SFXN4: variants seen among roughly 807,000 people sequenced by gnomAD.
SFXN4 encodes the protein sideroflexin-4.
Under a neutral mutation model 54.6 loss-of-function variants are expected in SFXN4, and 48 were observed. The ratio of observed to expected loss-of-function variants is 0.88; its 90% CI spans 0.70 to 1.12. SFXN4 has a LOEUF of 1.12. Among genes scored for constraint, SFXN4 ranks in the 50% most tolerant of loss-of-function variants. The pLI, the probability that SFXN4 is intolerant of heterozygous loss-of-function variation, is 0.00. For synonymous variants in SFXN4, 130 were observed against 145.5 expected, an observed-to-expected ratio of 0.89 and a Z score of 0.77; for missense variants, 383 against 409.2, an observed-to-expected ratio of 0.94 and a Z score of 0.55.
chr10:119,153,913 C>T (rs1847173346), intron 11 of SFXN4, among the ~76,000 whole-genome samples: 3 of 152,178 alleles, frequency 2.0e-5, no homozygotes, highest in Non-Finnish European at 2.9e-5. Context: ...CGCGGTGGCT[C>T]ACACCTGTAA....
intron 1 of SFXN4, chr10:119,165,219 T>C: frequency 9.2e-7 from 1 of 1,086,350 alleles, no homozygotes; most frequent in South Asian, 3.0e-5. Flanking sequence ...CGAGAGCCTG[T>C]TTCTCCCCAA....
At chr10:119,159,682 C>A (rs1162946443) in intron 6 of SFXN4, 46 bp downstream of exon 6, 32 of 1,607,074 alleles carry the variant, frequency 2.0e-5, no homozygotes, top group Non-Finnish European at 2.5e-5. Flanking sequence ...GAGTGGCCAT[C>A]TTCCCAAGCC....
intron 13 of SFXN4, 119 bp from the exon 14 acceptor site, chr10:119,141,438 C>T: frequency 4.0e-6 from 2 of 504,142 alleles, no homozygotes; most frequent in Non-Finnish European, 7.0e-6. Context: ...TCAATAATGT[C>T]TAATCTATAG....
At chr10:119,161,610 T>A (rs1363677520) in intron 3 of SFXN4, among the ~76,000 whole-genome samples, 6 of 152,100 alleles carry the variant, frequency 3.9e-5, no homozygotes, top group African/African-American at 1.4e-4. Context: ...ACAAATGAAC[T>A]AATGACAAGC....
At chr10:119,158,150 A>G in intron 6 of SFXN4, 88 bp from the exon 7 acceptor site, 3 of 1,254,010 alleles carry the variant, frequency 2.4e-6, no homozygotes. Context: ...GGAGAGGGAG[A>G]ATTGAGCCCC....
chr10:119,149,434 C>T (rs767135073), intron 11 of SFXN4, among the ~76,000 whole-genome samples: 1 of 152,120 alleles, frequency 6.6e-6, no homozygotes, highest in Non-Finnish European at 1.5e-5. Context: ...AGAGAGGAAG[C>T]CGAGGAGGGC....
chr10:119,162,988 G>C (rs1017986346), intron 2 of SFXN4, among the ~76,000 whole-genome samples: 3 of 152,058 alleles, frequency 2.0e-5, no homozygotes, highest in Admixed American at 1.3e-4. Flanking sequence ...TGTACAGATA[G>C]GGTCTCGCTA....
chr10:119,159,317 C>T (rs1589645440), intron 6 of SFXN4, among the ~76,000 whole-genome samples: 1 of 152,044 alleles, frequency 6.6e-6, no homozygotes. Context: ...AAAAGCACCT[C>T]CCAAGGGCCA....
chr10:119,165,496 G>GC, intron 1 of SFXN4, 41 bp downstream of exon 1: 1 of 1,522,764 alleles, frequency 6.6e-7, no homozygotes. Context: ...GGCCCGGCCC[G>GC]CCCCCTCCCT....
chr10:119,142,973 C>T (rs1846612806), intron 13 of SFXN4, among the ~76,000 whole-genome samples: 2 of 151,926 alleles, frequency 1.3e-5, no homozygotes, highest in Non-Finnish European at 2.9e-5. Flanking sequence ...ACCTCGTGAT[C>T]CGCCCGCCTC....
At chr10:119,151,771 C>A (rs905119572) in intron 11 of SFXN4, among the ~76,000 whole-genome samples, 12 of 151,768 alleles carry the variant, frequency 7.9e-5, no homozygotes, top group Admixed American at 3.3e-4. Context: ...CTGCCTCAGA[C>A]CCCTCAGAGT....
chr10:119,165,431 CA>C (rs1847728890), intron 1 of SFXN4, 105 bp downstream of exon 1: 5 of 1,349,376 alleles, frequency 3.7e-6, no homozygotes, highest in African/African-American at 3.1e-5. Context: ...GAAACGGAGA[CA>C]GGGGGCGCCC....
Position 119,146,311 on chromosome 10 carries a change from CA to C in SFXN4, c.860del (p.Leu287Ter). ...FRKNPGSLWI[L>X]KLSCTVLAMG... ...TTGCCAGGACAGTACAAGACAGTTT[CA>C]AAATCCACAATGACCCTGGGTTTTT... On this transcript the variant is annotated frameshift_variant, in exon 13 of 14. Transcript: ENST00000355697. LOFTEE classifies it high-confidence loss of function. 1.2e-6 allele frequency: 2 copies of C among 1,613,594 alleles called. No individual in the cohort carries two copies. Among genetic ancestry groups the C allele is most frequent in the Non-Finnish European group, 1.7e-6 (2 of 1,179,706 alleles).
At chr10:119,147,104 C>G (rs1377198298) in intron 12 of SFXN4, among the ~76,000 whole-genome samples, 5 of 152,144 alleles carry the variant, frequency 3.3e-5, no homozygotes, top group Non-Finnish European at 5.9e-5. Context: ...GCAAGTGGGT[C>G]CCGCATCAAT....
intron 13 of SFXN4, among the ~76,000 whole-genome samples, chr10:119,145,537 C>T (rs1846752791): frequency 2.0e-5 from 3 of 152,084 alleles, no homozygotes; most frequent in African/African-American, 4.8e-5. Flanking sequence ...TTCCTGATCT[C>T]AAGTTATCTG....
intron 1 of SFXN4, 178 bp downstream of exon 1, chr10:119,165,359 C>T: frequency 7.6e-7 from 1 of 1,315,054 alleles, no homozygotes; most frequent in Non-Finnish European, 9.7e-7. Flanking sequence ...CCCTGCGTCC[C>T]CTGCCGCGCC....
chr10:119,164,072 ACAGACTTCAAGTTT>A, intron 2 of SFXN4, 45 bp downstream of exon 2: 1 of 922,072 alleles, frequency 1.1e-6, no homozygotes, highest in Non-Finnish European at 1.7e-6. Flanking sequence ...AAAGGGACAC[ACAGACTTCAAGTTT>A]CAAAATAAAA....
In SFXN4 at chr10:119,160,934, G is replaced by C. The variant is rs529117471; in HGVS notation, c.315C>G (p.Pro105=). ...ACTCACCTGCAGGTCGAAAAAGCTTGGGGATCAGGTTGCTGCTGTCGGGAT... is the reference window on the plus strand; with the variant it reads ...ACTCACCTGCAGGTCGAAAAAGCTTCGGGATCAGGTTGCTGCTGTCGGGAT... ...TVHPDSSNLI[P]KLFRPAAFLP... is the part of the protein sequence containing the mutation. Residue 105 remains proline, a synonymous_variant, in exon 5 of 14, where the codon CCC becomes CCG. Transcript: ENST00000355697. 3 of 1,613,982 alleles carry C rather than the reference G, an allele frequency of 1.9e-6. No homozygotes were observed. Among genetic ancestry groups the C allele is most frequent in the Non-Finnish European group, 1.7e-6 (2 of 1,180,006 alleles).
At chr10:119,146,506 TTTC>T (rs1259466059) in intron 12 of SFXN4, among the ~76,000 whole-genome samples, 153 bp from the exon 13 acceptor site, 5 of 150,834 alleles carry the variant, frequency 3.3e-5, no homozygotes, top group Non-Finnish European at 7.4e-5. Context: ...CCTGTTCTTT[TTTC>T]TTTTTGTTGT....
Sources: allele counts gnomAD v4.1 joint callset (sites outside exome capture counted in the v4.1 genomes callset), GRCh38; gene constraint gnomAD v4.1.1; transcripts MANE v1.5; gene names NCBI Gene and HGNC (gene_info 2026-07-23, HGNC 2026-07-21).